TRPC4AP: variants seen among roughly 807,000 people sequenced by gnomAD.
TRPC4AP encodes the protein short transient receptor potential channel 4-associated protein.
In TRPC4AP, 45 loss-of-function variants were observed where a neutral mutation model predicts 99.0. That is an observed-to-expected ratio of 0.45 (90% CI 0.36 to 0.58). The LOEUF is 0.58. Ranked by LOEUF, TRPC4AP falls within the 20% of genes least tolerant of loss-of-function variation. The pLI, the probability that TRPC4AP is intolerant of heterozygous loss-of-function variation, is 0.00. For missense variants in TRPC4AP, 879 were observed against 985.3 expected (o/e 0.89, Z 1.44); for synonymous variants, 408 against 385.8 (o/e 1.06, Z -0.67).
intron 3 of TRPC4AP, among the ~76,000 whole-genome samples, chr20:35,064,418 A>C (rs982917699): frequency 6.6e-6 from 1 of 152,246 alleles, no homozygotes; most frequent in African/African-American, 2.4e-5. Context: ...AACCAGCAAC[A>C]AATCTTTAGA....
chr20:35,006,031 G>A (rs4911169), intron 15 of TRPC4AP, among the ~76,000 whole-genome samples: 88,906 of 152,072 alleles, frequency 0.58, 27,041 homozygotes, highest in Middle Eastern at 0.74. Flanking sequence ...GTGGTTTTAC[G>A]CTCAAGGGTG....
intron 1 of TRPC4AP, among the ~76,000 whole-genome samples, chr20:35,083,593 G>C (rs1287028357): frequency 1.3e-5 from 2 of 149,142 alleles, no homozygotes; most frequent in Non-Finnish European, 3.0e-5. Context: ...CTGGGAGACA[G>C]AGCGAGACTC....
At chr20:35,014,180 A>G (rs577315104) in intron 10 of TRPC4AP, among the ~76,000 whole-genome samples, 1 of 152,258 alleles carries the variant, frequency 6.6e-6, no homozygotes, top group East Asian at 1.9e-4. Context: ...TGAAAATTAC[A>G]ATAGGATAAA....
Position 35,061,440 on chromosome 20 carries a change from T to C in TRPC4AP, c.415-3869A>G, listed in dbSNP as rs183744897. On this transcript the variant is annotated intron_variant, in intron 3 of 18. Coordinates refer to ENST00000252015, the MANE Select transcript of TRPC4AP (RefSeq NM_015638.3). ...ACCTACAAATTCAATGCAATCACTA[T>C]CAAAATCTCAGCTGGCTTCTTTGCA... Among the ~76,000 whole-genome samples the C allele has an allele frequency of 4.9e-4, 75 of 152,336 alleles. No homozygotes were observed. The East Asian group carries it at 0.013, about 27-fold the overall frequency.
intron 7 of TRPC4AP, among the ~76,000 whole-genome samples, chr20:35,038,108 T>C (rs1359214790): frequency 6.7e-6 from 1 of 149,952 alleles, no homozygotes; most frequent in Non-Finnish European, 1.5e-5. Flanking sequence ...TGTACGGCGT[T>C]TCCTTTTGGG....
chr20:35,084,468 A>G (rs1032381561), intron 1 of TRPC4AP, among the ~76,000 whole-genome samples: 1 of 133,478 alleles, frequency 7.5e-6, no homozygotes, highest in African/African-American at 2.6e-5. Flanking sequence ...GTGTGTATAT[A>G]TGTATATATG....
chr20:35,084,219 G>A (rs1045675511), intron 1 of TRPC4AP, among the ~76,000 whole-genome samples: 8 of 150,820 alleles, frequency 5.3e-5, no homozygotes, highest in South Asian at 4.2e-4. Context: ...GCAGGGAGCC[G>A]AGATTGCGCC....
intron 11 of TRPC4AP, among the ~76,000 whole-genome samples, chr20:35,012,477 T>C (rs1247057285): frequency 6.6e-6 from 1 of 152,230 alleles, no homozygotes; most frequent in African/African-American, 2.4e-5. Context: ...GGTCAGCTGC[T>C]AGTCACCCCC....
chr20:35,004,566 G>A lies in TRPC4AP; in HGVS notation c.1941C>T (p.Ala647=), dbSNP rs1323342006. 1.2e-5 allele frequency: 20 copies of A among 1,613,226 alleles called. No homozygotes were observed. Among genetic ancestry groups the A allele is most frequent in the South Asian group, 2.2e-5 (2 of 90,912 alleles). The change falls in exon 17 of 19, where the codon GCC becomes GCT. Residue 647 remains alanine (A), a synonymous_variant. Coordinates refer to ENST00000252015, the MANE Select transcript of TRPC4AP (RefSeq NM_015638.3). The part of the protein sequence containing the change: ...RFENQVDMKV[A]EVLSECRLLA... ...GCAGGCGGCATTCAGACAGTACCTC[G>A]GCAACTGTGGAGGGAGGCAGGGGTG...
chr20:35,078,374 T>C (rs550812848), intron 1 of TRPC4AP, among the ~76,000 whole-genome samples, 200 bp from the exon 2 acceptor site: 1 of 152,266 alleles, frequency 6.6e-6, no homozygotes, highest in South Asian at 2.1e-4. Context: ...GAAGGAGGGA[T>C]TGGAAATACT....
At chr20:35,026,382 T>C (rs1485037104) in intron 8 of TRPC4AP, among the ~76,000 whole-genome samples, 1 of 152,106 alleles carries the variant, frequency 6.6e-6, no homozygotes, top group Non-Finnish European at 1.5e-5. Flanking sequence ...GCTTGCCTAA[T>C]TTTTAAATTT....
intron 7 of TRPC4AP, among the ~76,000 whole-genome samples, chr20:35,044,102 A>G (rs2083500993): frequency 6.6e-6 from 1 of 152,120 alleles, no homozygotes; most frequent in Non-Finnish European, 1.5e-5. Flanking sequence ...GAGATATTTA[A>G]AAGGGGTGCT....
intron 2 of TRPC4AP, among the ~76,000 whole-genome samples, chr20:35,076,202 A>C (rs2084475516): frequency 6.6e-6 from 1 of 151,690 alleles, no homozygotes; most frequent in Non-Finnish European, 1.5e-5. Context: ...GATGGGTTCA[A>C]ACATCCTCCT....
At chr20:35,079,652 G>C (rs748280846) in intron 1 of TRPC4AP, among the ~76,000 whole-genome samples, 2 of 152,070 alleles carry the variant, frequency 1.3e-5, no homozygotes, top group African/African-American at 2.4e-5. Context: ...AAGAAAAAAA[G>C]ACAGAAACAC....
At chr20:35,058,543 C>T (rs1600613289) in intron 3 of TRPC4AP, among the ~76,000 whole-genome samples, 1 of 151,928 alleles carries the variant, frequency 6.6e-6, no homozygotes, top group South Asian at 2.1e-4. Flanking sequence ...AAAACCCATC[C>T]TAAATAATAA....
chr20:35,064,215 C>T (rs1391688629), intron 3 of TRPC4AP, among the ~76,000 whole-genome samples: 1 of 152,086 alleles, frequency 6.6e-6, no homozygotes, highest in Non-Finnish European at 1.5e-5. Flanking sequence ...AGGAGCTACC[C>T]CAGAACAAAA....
intron 8 of TRPC4AP, among the ~76,000 whole-genome samples, chr20:35,032,307 G>A (rs977872910): frequency 5.9e-5 from 9 of 152,016 alleles, no homozygotes; most frequent in Non-Finnish European, 1.2e-4. Context: ...TTACAGGTGT[G>A]AGCCACCACA....
chr20:35,023,993 C>G (rs1600531944), intron 8 of TRPC4AP, among the ~76,000 whole-genome samples: 2 of 152,230 alleles, frequency 1.3e-5, no homozygotes, highest in South Asian at 4.1e-4. Context: ...GCAACAAGGT[C>G]AGTCCCAAGG....
chr20:35,037,568 T>C (rs1479039588), intron 7 of TRPC4AP, among the ~76,000 whole-genome samples: 1 of 152,178 alleles, frequency 6.6e-6, no homozygotes, highest in Admixed American at 6.5e-5. Flanking sequence ...ATGATGAGTA[T>C]TATTCAGCCA....
Sources: gnomAD v4.1 joint callset for allele counts (sites outside exome capture counted in the v4.1 genomes callset) on GRCh38, gnomAD v4.1.1 for gene constraint, MANE v1.5 for transcripts, NCBI Gene and HGNC (gene_info 2026-07-23, HGNC 2026-07-21) for gene names.